The following KCTD11 variants were observed in gnomAD, a reference collection of about 807,000 sequenced individuals.
KCTD11 encodes potassium channel tetramerization domain containing 11.
KCTD11 carries 8 observed loss-of-function variants against 10.7 expected under a neutral mutation model. The observed-to-expected ratio is 0.74, with a 90% CI of 0.44 to 1.34. The LOEUF (loss-of-function observed/expected upper bound fraction) is 1.34, where lower values mean the gene tolerates loss of function less well. KCTD11 is among the 40% of genes most tolerant of loss of function. KCTD11 has a pLI of 0.01. For synonymous variants in KCTD11, 153 were observed against 160.8 expected (o/e 0.95, Z 0.37); for missense variants, 346 against 356.1 (o/e 0.97, Z 0.23).
chr17:7,353,421 C>G lies in KCTD11; in HGVS notation c.596C>G (p.Ala199Gly). The G allele has an allele frequency of 6.2e-7, 1 of 1,612,420 alleles. No individual in the cohort carries two copies. Among genetic ancestry groups the G allele is most frequent in the Non-Finnish European group, 8.5e-7 (1 of 1,179,918 alleles). Residue 199 changes from alanine (A) to glycine (G), a missense_variant, in exon 1 of 1, where the codon GCC becomes GGC. Physicochemically the swap from Ala to Gly is moderately conservative, Grantham distance 60 (BLOSUM62 0). Transcript: ENST00000333751. The surrounding 1 kb of genome is among the most constrained non-coding windows in gnomAD (Gnocchi z 4.9). ...AGCCCACATTTTCATCTGGAGTGGG[C>G]CCCCCGCCCCGTGGAACTCCCCGAG...
At position 7,352,577 on chromosome 17, in the gene KCTD11, T is replaced by C; in HGVS notation, c.-249T>C. 1 of 432,692 alleles carries C rather than the reference T, an allele frequency of 2.3e-6. No homozygotes were observed. The highest frequency in any genetic ancestry group is 6.5e-5 in the South Asian group (1 of 15,438). The allele number at this position is 432,692 out of a possible 1,614,324, so 26.8% of individuals were successfully genotyped here. A position where few individuals can be genotyped will look rare whatever the true frequency, so the allele number is the denominator to read the frequency against. ...ACCCCAAATCGGATACGTCCAGACC[T>C]CAAGCTCCCTTCCCCTCTCTGGCTG... is the stretch of plus-strand genomic sequence containing the variant. On this transcript the variant is annotated 5_prime_UTR_variant, in exon 1 of 1. Coordinates refer to ENST00000333751, the MANE Select transcript of KCTD11 (RefSeq NM_001363642.1). This position sits in a 1 kb window ranked among gnomAD's most constrained non-coding sequence, Gnocchi z 4.5.
In KCTD11 at chr17:7,353,614, C is replaced by A. The variant is rs1199262497; in HGVS notation, c.789C>A (p.Ser263=). The A allele has an allele frequency of 6.6e-7, 1 of 1,522,406 alleles. No homozygotes were observed. The highest frequency in any genetic ancestry group is 8.8e-7 in the Non-Finnish European group (1 of 1,136,346). The allele number at this position is 1,522,406 out of a possible 1,614,324, so 94.3% of individuals were successfully genotyped here. ...CCGACCCCGAAGACCTGCTCAACTC[C>A]AGGTCTCTGCGCTTTGTCCGGCACT... The change falls in exon 1 of 1, where the codon TCC becomes TCA. Residue 263 remains serine (S), a synonymous_variant. Coordinates refer to ENST00000333751, the MANE Select transcript of KCTD11 (RefSeq NM_001363642.1). This position sits in a 1 kb window ranked among gnomAD's most constrained non-coding sequence, Gnocchi z 4.9.
Position 7,353,873 on chromosome 17 carries a change from C to T in KCTD11, c.*232C>T. On this transcript the variant is annotated 3_prime_UTR_variant, in exon 1 of 1. Transcript: ENST00000333751. The surrounding 1 kb of genome is among the most constrained non-coding windows in gnomAD (Gnocchi z 4.9). ...GGAGGGGTAGGGAAGGTTCTCTCAG[C>T]TTGTTCTTGCCTAAGGCTGAGCACC... 1 of 459,976 alleles carries T rather than the reference C, an allele frequency of 2.2e-6. No individual in the cohort carries two copies. The highest frequency in any genetic ancestry group is 3.9e-6 in the Non-Finnish European group (1 of 253,540). The allele number at this position is 459,976 out of a possible 1,614,324, so 28.5% of individuals were successfully genotyped here.
rs1267251618 is a variant in KCTD11 at position 7,354,475 on chromosome 17, G to A, written c.*834G>A. ...TGCCTAGCGACTCTTCTGGCACAGGGTGTGTCTGTGGTATACCTGTGAGGT... is the reference window on the plus strand; with the variant it reads ...TGCCTAGCGACTCTTCTGGCACAGGATGTGTCTGTGGTATACCTGTGAGGT... On this transcript the variant is annotated 3_prime_UTR_variant, in exon 1 of 1. Coordinates refer to ENST00000333751, the MANE Select transcript of KCTD11 (RefSeq NM_001363642.1). 1.2e-5 allele frequency: 2 copies of A among 166,744 alleles called. No homozygotes were observed. Among genetic ancestry groups the A allele is most frequent in the African/African-American group, 2.4e-5 (1 of 41,450 alleles). The allele number at this position is 166,744 out of a possible 1,614,324, so 10.3% of individuals were successfully genotyped here. A position where few individuals can be genotyped will look rare whatever the true frequency, so the allele number is the denominator to read the frequency against.
In KCTD11 at chr17:7,354,265, C is replaced by T. The variant is rs1382288133; in HGVS notation, c.*624C>T. 6.0e-6 allele frequency: 1 copy of T among 167,294 alleles called. No individual in the cohort carries two copies. Among genetic ancestry groups the T allele is most frequent in the African/African-American group, 2.4e-5 (1 of 41,440 alleles). The allele number at this position is 167,294 out of a possible 1,614,324, so 10.4% of individuals were successfully genotyped here. A position where few individuals can be genotyped will look rare whatever the true frequency, so the allele number is the denominator to read the frequency against. ...GGAGCATCCCTCATCTGGAAGAATC[C>T]CATACTGATGGCAGGGCTGGCCAGG... On this transcript the variant is annotated 3_prime_UTR_variant, in exon 1 of 1. Coordinates refer to ENST00000333751, the MANE Select transcript of KCTD11 (RefSeq NM_001363642.1).
chr17:7,352,559 A>G lies in KCTD11; in HGVS notation c.-267A>G. 1 of 382,538 alleles carries G rather than the reference A, an allele frequency of 2.6e-6. No individual in the cohort carries two copies. The highest frequency in any genetic ancestry group is 4.7e-6 in the Non-Finnish European group (1 of 212,980). The allele number at this position is 382,538 out of a possible 1,614,324, so 23.7% of individuals were successfully genotyped here. A position where few individuals can be genotyped will look rare whatever the true frequency, so the allele number is the denominator to read the frequency against. The stretch of plus-strand genomic sequence containing the variant: ...AGAGGGGTGTCGCTGACCACCCCAA[A>G]TCGGATACGTCCAGACCTCAAGCTC... On this transcript the variant is annotated 5_prime_UTR_variant, in exon 1 of 1. Transcript: ENST00000333751. This position sits in a 1 kb window ranked among gnomAD's most constrained non-coding sequence, Gnocchi z 4.5.
chr17:7,353,851 G>A lies in KCTD11; in HGVS notation c.*210G>A, dbSNP rs1016650390. 2 of 492,056 alleles carry A rather than the reference G, an allele frequency of 4.1e-6. No homozygotes were observed. The highest frequency in any genetic ancestry group is 3.1e-5 in the East Asian group (1 of 32,438). The allele number at this position is 492,056 out of a possible 1,614,324, so 30.5% of individuals were successfully genotyped here. A position where few individuals can be genotyped will look rare whatever the true frequency, so the allele number is the denominator to read the frequency against. On this transcript the variant is annotated 3_prime_UTR_variant, in exon 1 of 1. Coordinates refer to ENST00000333751, the MANE Select transcript of KCTD11 (RefSeq NM_001363642.1). This position sits in a 1 kb window ranked among gnomAD's most constrained non-coding sequence, Gnocchi z 4.9. ...GTCTCAACCTGTGCTGACCCTGGGA[G>A]GGGTAGGGAAGGTTCTCTCAGCTTG...
At position 7,353,892 on chromosome 17, in the gene KCTD11, G is replaced by A; in HGVS notation, c.*251G>A. 6.9e-6 allele frequency: 3 copies of A among 435,552 alleles called. No individual in the cohort carries two copies. The highest frequency in any genetic ancestry group is 1.3e-5 in the Non-Finnish European group (3 of 237,518). 27.0% of individuals were successfully genotyped at this position (435,552 alleles called of 1,614,324 possible). On this transcript the variant is annotated 3_prime_UTR_variant, in exon 1 of 1. Transcript: ENST00000333751. The surrounding 1 kb of genome is among the most constrained non-coding windows in gnomAD (Gnocchi z 4.9). ...TCTCAGCTTGTTCTTGCCTAAGGCT[G>A]AGCACCTCCAGTCTCTCCTTGATTT...
chr17:7,353,634 G>T lies in KCTD11; in HGVS notation c.809G>T (p.Arg270Leu). 1 of 1,515,188 alleles carries T rather than the reference G, an allele frequency of 6.6e-7. No individual in the cohort carries two copies. The allele number at this position is 1,515,188 out of a possible 1,614,324, so 93.9% of individuals were successfully genotyped here. ...AACTCCAGGTCTCTGCGCTTTGTCC[G>T]GCACTGAGGATGCTGTTCTCAGTTT... is the stretch of plus-strand genomic sequence containing the variant. Residue 270 changes from arginine to leucine, a missense_variant, in exon 1 of 1, where the codon CGG becomes CTG. Coordinates refer to ENST00000333751, the MANE Select transcript of KCTD11 (RefSeq NM_001363642.1). This position sits in a 1 kb window ranked among gnomAD's most constrained non-coding sequence, Gnocchi z 4.9.
rs1294560174 is a variant in KCTD11 at position 7,353,894 on chromosome 17, G to C, written c.*253G>C. 2 of 432,602 alleles carry C rather than the reference G, an allele frequency of 4.6e-6. No individual in the cohort carries two copies. The highest frequency in any genetic ancestry group is 8.5e-6 in the Non-Finnish European group (2 of 235,654). 26.8% of individuals were successfully genotyped at this position (432,602 alleles called of 1,614,324 possible). A position where few individuals can be genotyped will look rare whatever the true frequency, so the allele number is the denominator to read the frequency against. On this transcript the variant is annotated 3_prime_UTR_variant, in exon 1 of 1. Coordinates refer to ENST00000333751, the MANE Select transcript of KCTD11 (RefSeq NM_001363642.1). This position sits in a 1 kb window ranked among gnomAD's most constrained non-coding sequence, Gnocchi z 4.9. ...TCAGCTTGTTCTTGCCTAAGGCTGAGCACCTCCAGTCTCTCCTTGATTTGG... is the reference window on the plus strand; with the variant it reads ...TCAGCTTGTTCTTGCCTAAGGCTGACCACCTCCAGTCTCTCCTTGATTTGG...
rs2073426215 is a variant in KCTD11, at chr17:7,352,882, G to A, written c.57G>A (p.Leu19=). 2.1e-6 allele frequency: 3 copies of A among 1,448,064 alleles called. No individual in the cohort carries two copies. Among genetic ancestry groups the A allele is most frequent in the African/African-American group, 2.8e-5 (2 of 70,650 alleles). The allele number at this position is 1,448,064 out of a possible 1,614,324, so 89.7% of individuals were successfully genotyped here. The change falls in exon 1 of 1, where the codon CTG becomes CTA. Residue 19 remains leucine (L), a synonymous_variant. Coordinates refer to ENST00000333751, the MANE Select transcript of KCTD11 (RefSeq NM_001363642.1). The surrounding 1 kb of genome is among the most constrained non-coding windows in gnomAD (Gnocchi z 4.5). ...CCTCCTTTGGGGGCCCCGTGACCCT[G>A]AATGTGGGGGGCACACTATATTCCA...
chr17:7,354,632 T>C lies in KCTD11; in HGVS notation c.*991T>C, dbSNP rs956196682. 1 of 167,866 alleles carries C rather than the reference T, an allele frequency of 6.0e-6. No homozygotes were observed. Among genetic ancestry groups the C allele is most frequent in the Non-Finnish European group, 1.5e-5 (1 of 68,732 alleles). The allele number at this position is 167,866 out of a possible 1,614,324, so 10.4% of individuals were successfully genotyped here. ...GGGGTTTGAGTCACTGGGATCTTCC[T>C]GGTGAGAGGTAAGAGAAGTCACTGG... On this transcript the variant is annotated 3_prime_UTR_variant, in exon 1 of 1. Coordinates refer to ENST00000333751, the MANE Select transcript of KCTD11 (RefSeq NM_001363642.1).
rs3809831 is a variant in KCTD11 at position 7,354,350 on chromosome 17, C to A, written c.*709C>A. 0.095 allele frequency: 15,874 copies of A among 167,144 alleles called. 934 individuals carry two copies. Among genetic ancestry groups the A allele is most frequent in the East Asian group, 0.16 (852 of 5,184 alleles). 10.4% of individuals were successfully genotyped at this position (167,144 alleles called of 1,614,324 possible). A position where few individuals can be genotyped will look rare whatever the true frequency, so the allele number is the denominator to read the frequency against. Reference sequence around the variant, plus strand: ...CTTCATGTGTGCGTGCATATCAGCCCGTGTGGCTGACTGATGTATAGGTCC... The same window carrying A: ...CTTCATGTGTGCGTGCATATCAGCCAGTGTGGCTGACTGATGTATAGGTCC... On this transcript the variant is annotated 3_prime_UTR_variant, in exon 1 of 1. Coordinates refer to ENST00000333751, the MANE Select transcript of KCTD11 (RefSeq NM_001363642.1).
rs1324308461 is a variant in KCTD11 at position 7,353,295 on chromosome 17, A to G, written c.470A>G (p.Gln157Arg). 1.9e-6 allele frequency: 3 copies of G among 1,613,974 alleles called. No homozygotes were observed. Among genetic ancestry groups the G allele is most frequent in the African/African-American group, 1.3e-5 (1 of 74,958 alleles). The change falls in exon 1 of 1, where the codon CAG (glutamine) becomes CGG (arginine). Residue 157 changes from glutamine (Q) to arginine (R), a missense_variant. Gln to Arg is a conservative substitution (Grantham distance 43). Transcript: ENST00000333751. The surrounding 1 kb of genome is among the most constrained non-coding windows in gnomAD (Gnocchi z 4.9). ...CATCACTATGAGCTGAGCTCCGTCC[A>G]GGTGGACACCTTCCGAGCCAACCTT...
In KCTD11 at chr17:7,353,056, T is replaced by C; in HGVS notation, c.231T>C (p.Asn77=). 6.2e-7 allele frequency: 1 copy of C among 1,613,614 alleles called. No individual in the cohort carries two copies. The change falls in exon 1 of 1, where the codon AAT becomes AAC. Residue 77 remains asparagine, a synonymous_variant. Transcript: ENST00000333751. This position sits in a 1 kb window ranked among gnomAD's most constrained non-coding sequence, Gnocchi z 4.9. Reference sequence around the variant, plus strand: ...GCAAGGCCTTCCGGCACATCCTCAATTTCCTGAGGCTGGGCCGCCTGGACC... The same window carrying C: ...GCAAGGCCTTCCGGCACATCCTCAACTTCCTGAGGCTGGGCCGCCTGGACC...
chr17:7,353,024 C>T lies in KCTD11; in HGVS notation c.199C>T (p.Arg67Trp), dbSNP rs1355335929. The change falls in exon 1 of 1, where the codon CGG becomes TGG. Residue 67 changes from arginine (R) to tryptophan (W), a missense_variant. Physicochemically the swap from Arg to Trp is moderately radical, Grantham distance 101. Coordinates refer to ENST00000333751, the MANE Select transcript of KCTD11 (RefSeq NM_001363642.1). This position sits in a 1 kb window ranked among gnomAD's most constrained non-coding sequence, Gnocchi z 4.9. ...AGGAGGCGGCCACTACTTCATCGAC[C>T]GGGATGGCAAGGCCTTCCGGCACAT... The T allele has an allele frequency of 1.2e-6, 2 of 1,613,398 alleles. No homozygotes were observed. The highest frequency in any genetic ancestry group is 1.1e-5 in the South Asian group (1 of 91,080).
Position 7,353,233 on chromosome 17 carries a change from C to A in KCTD11, c.408C>A (p.Ser136Arg). 1 of 1,613,598 alleles carries A rather than the reference C, an allele frequency of 6.2e-7. No homozygotes were observed. Among genetic ancestry groups the A allele is most frequent in the African/African-American group, 1.3e-5 (1 of 75,066 alleles). The change falls in exon 1 of 1, where the codon AGC becomes AGA. Residue 136 changes from serine (S) to arginine (R), a missense_variant. Transcript: ENST00000333751. This position sits in a 1 kb window ranked among gnomAD's most constrained non-coding sequence, Gnocchi z 4.9. ...TGCTCCACGCAGATGTAGATGTCAGCCCCCGCCTGGTGCACTTCTCTGCTC... is the reference window on the plus strand; with the variant it reads ...TGCTCCACGCAGATGTAGATGTCAGACCCCGCCTGGTGCACTTCTCTGCTC...
chr17:7,353,739 G>A lies in KCTD11; in HGVS notation c.*98G>A, dbSNP rs2073442835. ...CTCTGCTTCAGGAGCTATGAGAGTCGGGACTCTCCTGCACCTGACTGGAGC... is the reference window on the plus strand; with the variant it reads ...CTCTGCTTCAGGAGCTATGAGAGTCAGGACTCTCCTGCACCTGACTGGAGC... On this transcript the variant is annotated 3_prime_UTR_variant, in exon 1 of 1. Transcript: ENST00000333751. This position sits in a 1 kb window ranked among gnomAD's most constrained non-coding sequence, Gnocchi z 4.9. The A allele has an allele frequency of 8.5e-7, 1 of 1,176,318 alleles. No individual in the cohort carries two copies. The highest frequency in any genetic ancestry group is 1.7e-5 in the South Asian group (1 of 58,864). The allele number at this position is 1,176,318 out of a possible 1,614,324, so 72.9% of individuals were successfully genotyped here.
chr17:7,352,898 C>G lies in KCTD11; in HGVS notation c.73C>G (p.Leu25Val). The change falls in exon 1 of 1, where the codon CTA becomes GTA. Residue 25 changes from leucine (L) to valine (V), a missense_variant. Transcript: ENST00000333751. The surrounding 1 kb of genome is among the most constrained non-coding windows in gnomAD (Gnocchi z 4.5). ...CGTGACCCTGAATGTGGGGGGCACA[C>G]TATATTCCACCACTTTGGAGACCCT... The G allele has an allele frequency of 6.6e-7, 1 of 1,506,126 alleles. No individual in the cohort carries two copies. The highest frequency in any genetic ancestry group is 9.0e-7 in the Non-Finnish European group (1 of 1,115,022). The allele number at this position is 1,506,126 out of a possible 1,614,324, so 93.3% of individuals were successfully genotyped here.
Sources: gnomAD v4.1 joint callset for allele counts on GRCh38, gnomAD v4.1.1 for gene constraint, Gnocchi (gnomAD v3.1) non-coding constraint, MANE v1.5 for transcripts, NCBI Gene and HGNC (gene_info 2026-07-23, HGNC 2026-07-21) for gene names.